PAQR3: variants seen among roughly 807,000 people sequenced by gnomAD.
PAQR3 encodes the protein Raf kinase trapping to Golgi.
Under a neutral mutation model 41.7 loss-of-function variants are expected in PAQR3, and 39 were observed. The ratio of observed to expected loss-of-function variants is 0.93; its 90% CI spans 0.72 to 1.22. PAQR3 has a LOEUF of 1.22. Ranked by LOEUF, PAQR3 falls within the 50% of genes most tolerant of loss-of-function variation. The probability of loss-of-function intolerance (pLI) is 0.00; values close to 1 mark genes in which losing one functional copy is unlikely to be tolerated. For synonymous variants in PAQR3, 140 were observed against 140.6 expected (o/e 1.00, Z 0.03); for missense variants, 366 against 385.6 (o/e 0.95, Z 0.42).
intron 1 of PAQR3, among the ~76,000 whole-genome samples, chr4:78,936,824 T>G (rs896874426): frequency 1.6e-4 from 25 of 152,216 alleles, no homozygotes; most frequent in Non-Finnish European, 5.9e-5. Flanking sequence ...CCATGTTCCC[T>G]GCAGCTAACA....
In PAQR3 at chr4:78,918,353, CAGT is replaced by C. The variant is rs1735302546; in HGVS notation, c.*2183_*2185del. Reference sequence around the variant, plus strand: ...GTTAACAATGTCTTCAAAATTTTACCAGTAGTGCTGTGCACACAGTAGGTGGTC... The same window carrying C: ...GTTAACAATGTCTTCAAAATTTTACCAGTGCTGTGCACACAGTAGGTGGTC... On this transcript the variant is annotated 3_prime_UTR_variant, in exon 6 of 6. Transcript: ENST00000512733. 1.0e-6 allele frequency: 1 copy of C among 979,062 alleles called. No homozygotes were observed. Among genetic ancestry groups the C allele is most frequent in the Non-Finnish European group, 1.2e-6 (1 of 823,904 alleles). 60.6% of individuals were successfully genotyped at this position (979,062 alleles called of 1,614,324 possible).
At chr4:78,924,016 T>C (rs1735939325) in intron 4 of PAQR3, 69 bp from the exon 5 acceptor site, 1 of 1,139,056 alleles carries the variant, frequency 8.8e-7, no homozygotes, top group South Asian at 1.3e-5. Context: ...ATTATGAATC[T>C]AATAGTGGGA....
chr4:78,934,272 T>C (rs1451435495), intron 2 of PAQR3, among the ~76,000 whole-genome samples: 1 of 152,186 alleles, frequency 6.6e-6, no homozygotes, highest in African/African-American at 2.4e-5. Context: ...TTGAGTAAAA[T>C]GATGACTCTC....
intron 4 of PAQR3, 69 bp from the exon 5 acceptor site, chr4:78,924,016 T>A: frequency 8.8e-7 from 1 of 1,139,174 alleles, no homozygotes; most frequent in South Asian, 1.3e-5. Context: ...ATTATGAATC[T>A]AATAGTGGGA....
At position 78,917,786 on chromosome 4, in the gene PAQR3, T is replaced by C; in HGVS notation, c.*2753A>G. On this transcript the variant is annotated 3_prime_UTR_variant, in exon 6 of 6. Coordinates refer to ENST00000512733, the MANE Select transcript of PAQR3 (RefSeq NM_001040202.2). ...CTGCCAAATGGAGAGTTGTACAGTT[T>C]TACGGAAGTCAATCACAATCTTCAA... 1 of 982,968 alleles carries C rather than the reference T, an allele frequency of 1.0e-6. No individual in the cohort carries two copies. Among genetic ancestry groups the C allele is most frequent in the South Asian group, 4.7e-5 (1 of 21,206 alleles). The allele number at this position is 982,968 out of a possible 1,614,324, so 60.9% of individuals were successfully genotyped here. A position where few individuals can be genotyped will look rare whatever the true frequency, so the allele number is the denominator to read the frequency against.
At chr4:78,924,947 TCAAACATTCTAGAACA>T (rs1186506412) in intron 4 of PAQR3, among the ~76,000 whole-genome samples, 1 of 152,266 alleles carries the variant, frequency 6.6e-6, no homozygotes, top group African/African-American at 2.4e-5. Context: ...CTCAGATTTC[TCAAACATTCTAGAACA>T]CAACTTGATC....
intron 3 of PAQR3, among the ~76,000 whole-genome samples, 184 bp downstream of exon 3, chr4:78,929,986 T>C (rs1353988206): frequency 6.6e-6 from 1 of 152,172 alleles, no homozygotes; most frequent in Admixed American, 6.5e-5. Context: ...AAAGTAAGTA[T>C]GGAACTGATA....
intron 4 of PAQR3, among the ~76,000 whole-genome samples, chr4:78,925,182 A>C (rs1560574896): frequency 6.6e-6 from 1 of 152,226 alleles, no homozygotes; most frequent in Middle Eastern, 3.4e-3. Context: ...AATACAAAAA[A>C]AAAATCCCTT....
Position 78,917,765 on chromosome 4 carries a change from C to G in PAQR3, c.*2774G>C. 5.2e-6 allele frequency: 5 copies of G among 967,418 alleles called. No individual in the cohort carries two copies. Among genetic ancestry groups the G allele is most frequent in the Non-Finnish European group, 6.1e-6 (5 of 813,578 alleles). 59.9% of individuals were successfully genotyped at this position (967,418 alleles called of 1,614,324 possible). On this transcript the variant is annotated 3_prime_UTR_variant, in exon 6 of 6. Coordinates refer to ENST00000512733, the MANE Select transcript of PAQR3 (RefSeq NM_001040202.2). ...AAAGTATTATCTAGTAGGTACCTGC[C>G]AAATGGAGAGTTGTACAGTTTTACG...
chr4:78,923,110 T>A (rs1422365846), intron 5 of PAQR3: 6 of 383,244 alleles, frequency 1.6e-5, no homozygotes, highest in Non-Finnish European at 3.1e-5. Context: ...GTCACCATTA[T>A]CTATTTTATA....
rs1734942672 is a variant in PAQR3 at position 78,915,234 on chromosome 4, G to T, written c.*5305C>A. 6.6e-6 allele frequency: 1 copy of T among 151,992 alleles called. No individual in the cohort carries two copies. The allele number at this position is 151,992 out of a possible 1,614,324, so 9.4% of individuals were successfully genotyped here. A position where few individuals can be genotyped will look rare whatever the true frequency, so the allele number is the denominator to read the frequency against. On this transcript the variant is annotated 3_prime_UTR_variant, in exon 6 of 6. Coordinates refer to ENST00000512733, the MANE Select transcript of PAQR3 (RefSeq NM_001040202.2). ...CCCTGTTTATTGTTTAAGAGTGATA[G>T]ACTGTTGTCCTCTTGCTGGTGGAAA...
rs559038377 is a variant in PAQR3 at position 78,939,220 on chromosome 4, T to C, written c.5A>G (p.His2Arg). 1.9e-6 allele frequency: 3 copies of C among 1,585,496 alleles called. No individual in the cohort carries two copies. Among genetic ancestry groups the C allele is most frequent in the Admixed American group, 3.6e-5 (2 of 56,132 alleles). The change falls in exon 1 of 6, where the codon CAT (histidine) becomes CGT (arginine). Residue 2 changes from histidine to arginine, a missense_variant. Coordinates refer to ENST00000512733, the MANE Select transcript of PAQR3 (RefSeq NM_001040202.2). ...ATGCGCGCTCTTCAGCAGCTTCTGA[T>C]GCATCGTTCCCGGCCGCCGCCGCTC... MHQKLLKSAHYI... is the reference protein window; with the variant it reads MRQKLLKSAHYI...
At chr4:78,927,025 C>T (rs932581567) in intron 3 of PAQR3, among the ~76,000 whole-genome samples, 1 of 152,190 alleles carries the variant, frequency 6.6e-6, no homozygotes, top group Non-Finnish European at 1.5e-5. Flanking sequence ...ATGACATGGA[C>T]TCTCCCAGCA....
intron 11 of PAQR3, among the ~76,000 whole-genome samples, chr4:78,898,618 T>C (rs973013579): frequency 6.8e-6 from 1 of 147,192 alleles, no homozygotes; most frequent in African/African-American, 2.5e-5. Context: ...CTTTCCTGTT[T>C]AAAGTCCTTC....
chr4:78,911,323 CCCAAAAGTGTAGATGTATTTGGCT>C, downstream of PAQR3: 1 of 1,613,914 alleles, frequency 6.2e-7, no homozygotes, highest in East Asian at 2.2e-5. Flanking sequence ...CCCTGGTTAT[CCCAAAAGTGTAGATGTATTTGGCT>C]CCACTCCATT....
chr4:78,904,404 T>C (rs1396103327), intron 11 of PAQR3, among the ~76,000 whole-genome samples: 1 of 151,950 alleles, frequency 6.6e-6, no homozygotes, highest in Non-Finnish European at 1.5e-5. Context: ...CAAGTACCAT[T>C]TGTGTCCTCT....
Position 78,920,134 on chromosome 4 carries a change from G to T in PAQR3, c.*405C>A, listed in dbSNP as rs1735505621. 1 of 987,240 alleles carries T rather than the reference G, an allele frequency of 1.0e-6. No individual in the cohort carries two copies. The highest frequency in any genetic ancestry group is 6.2e-5 in the Admixed American group (1 of 16,238). The allele number at this position is 987,240 out of a possible 1,614,324, so 61.2% of individuals were successfully genotyped here. ...CATAGGCTGAAACAACACTTGCCTT[G>T]ATTAGGCACTTAAACTTGACAATTA... On this transcript the variant is annotated 3_prime_UTR_variant, in exon 6 of 6. Transcript: ENST00000512733.
chr4:78,919,707 G>T lies in PAQR3; in HGVS notation c.*832C>A. The T allele has an allele frequency of 2.0e-6, 2 of 985,034 alleles. No homozygotes were observed. Among genetic ancestry groups the T allele is most frequent in the Non-Finnish European group, 2.4e-6 (2 of 829,704 alleles). 61.0% of individuals were successfully genotyped at this position (985,034 alleles called of 1,614,324 possible). A position where few individuals can be genotyped will look rare whatever the true frequency, so the allele number is the denominator to read the frequency against. On this transcript the variant is annotated 3_prime_UTR_variant, in exon 6 of 6. Transcript: ENST00000512733. Reference sequence around the variant, plus strand: ...GGACTACAAATTCAGAGAGTTGAAAGCTCTGGAATTTTGGGATCAAAAACC... The same window carrying T: ...GGACTACAAATTCAGAGAGTTGAAATCTCTGGAATTTTGGGATCAAAAACC...
rs1352781990 is a variant in PAQR3, at chr4:78,915,564, C to A, written c.*4975G>T. ...AGATGACATATCTACTGTGAGAATA[C>A]CATAAATGATGAATAGTTTATTTGA... On this transcript the variant is annotated 3_prime_UTR_variant, in exon 6 of 6. Transcript: ENST00000512733. 2 of 151,676 alleles carry A rather than the reference C, an allele frequency of 1.3e-5. No individual in the cohort carries two copies. The highest frequency in any genetic ancestry group is 2.9e-5 in the Non-Finnish European group (2 of 67,840). 9.4% of individuals were successfully genotyped at this position (151,676 alleles called of 1,614,324 possible).
Sources: allele counts gnomAD v4.1 joint callset (sites outside exome capture counted in the v4.1 genomes callset), GRCh38; gene constraint gnomAD v4.1.1; transcripts MANE v1.5; gene names NCBI Gene and HGNC (gene_info 2026-07-23, HGNC 2026-07-21).